Variants in FNDC3B observed in about 807,000 individuals in gnomAD.
FNDC3B encodes fibronectin type III domain-containing protein 3B.
FNDC3B carries 12 observed loss-of-function variants against 151.5 expected under a neutral mutation model. That is an observed-to-expected ratio of 0.08 (90% CI 0.05 to 0.13). The LOEUF is 0.13. Ranked by LOEUF, FNDC3B falls within the 10% of genes least tolerant of loss-of-function variation. The pLI is 1.00. For missense variants in FNDC3B, 1,214 were observed against 1,505.3 expected (o/e 0.81, Z 3.20); for synonymous variants, 528 against 549.0 (o/e 0.96, Z 0.54).
chr3:172,187,806 G>A lies in FNDC3B; in HGVS notation c.188-39065G>A, dbSNP rs1724270413. 2.0e-5 allele frequency among the ~76,000 whole-genome samples: 3 copies of A among 152,058 alleles called. No homozygotes were observed. In the South Asian group the frequency reaches 6.2e-4, roughly 32 times the overall value. ...CAGCTGATTTTTGTAATTTTGTAGAGAGCGGATTTCGCCATGTTGCCTAGT... is the reference window on the plus strand; with the variant it reads ...CAGCTGATTTTTGTAATTTTGTAGAAAGCGGATTTCGCCATGTTGCCTAGT... On this transcript the variant is annotated intron_variant, in intron 3 of 25. Transcript: ENST00000415807.
At chr3:172,351,921 C>G (rs1407853071) in intron 21 of FNDC3B, among the ~76,000 whole-genome samples, 1 of 152,120 alleles carries the variant, frequency 6.6e-6, no homozygotes, top group African/African-American at 2.4e-5. Flanking sequence ...AGTGGAGATA[C>G]TCAGTGGTTG....
intron 21 of FNDC3B, among the ~76,000 whole-genome samples, chr3:172,348,744 C>T (rs1007683122): frequency 2.6e-5 from 4 of 152,160 alleles, no homozygotes; most frequent in East Asian, 3.9e-4. Context: ...AATCTTGCCT[C>T]GTTGTATTAA....
At chr3:172,191,940 GT>G (rs1332755409) in intron 3 of FNDC3B, among the ~76,000 whole-genome samples, 1 of 152,170 alleles carries the variant, frequency 6.6e-6, no homozygotes, top group African/African-American at 2.4e-5. Flanking sequence ...GCAGTGTCTG[GT>G]GGTGTATGCC....
chr3:172,357,718 C>G (rs1019430219), intron 22 of FNDC3B, among the ~76,000 whole-genome samples: 16 of 152,202 alleles, frequency 1.1e-4, no homozygotes, highest in Middle Eastern at 3.4e-3. Flanking sequence ...CATTTCATTC[C>G]ATTTTATCAG....
At chr3:172,257,814 CT>C (rs1728435439) in intron 6 of FNDC3B, among the ~76,000 whole-genome samples, 1 of 152,174 alleles carries the variant, frequency 6.6e-6, no homozygotes. Flanking sequence ...TGAATACAGG[CT>C]GTGTAGGTGG....
At chr3:172,275,124 G>T (rs1729371479) in intron 6 of FNDC3B, among the ~76,000 whole-genome samples, 1 of 152,076 alleles carries the variant, frequency 6.6e-6, no homozygotes, top group Non-Finnish European at 1.5e-5. Context: ...GTTGTCTAGG[G>T]TTTATACACC....
At chr3:172,129,037 C>T (rs985251230) in intron 2 of FNDC3B, among the ~76,000 whole-genome samples, 14 of 152,280 alleles carry the variant, frequency 9.2e-5, no homozygotes, top group Admixed American at 5.2e-4. Flanking sequence ...GGCACCGTCA[C>T]GGTTTGCTAC....
intron 3 of FNDC3B, 185 bp downstream of exon 3, chr3:172,133,731 T>G (rs961864646): frequency 1.6e-6 from 1 of 637,718 alleles, no homozygotes; most frequent in South Asian, 1.6e-5. Flanking sequence ...AAGGACATTT[T>G]TAGTGGTAAA....
At chr3:172,367,793 C>T (rs1225699537) in intron 23 of FNDC3B, among the ~76,000 whole-genome samples, 1 of 152,144 alleles carries the variant, frequency 6.6e-6, no homozygotes, top group Non-Finnish European at 1.5e-5. Context: ...TATGGTTAAT[C>T]TGTTGTTGAG....
At chr3:172,199,328 C>A (rs905391012) in intron 3 of FNDC3B, among the ~76,000 whole-genome samples, 1 of 151,610 alleles carries the variant, frequency 6.6e-6, no homozygotes, top group Non-Finnish European at 1.5e-5. Flanking sequence ...TACAGGCGCC[C>A]GCCACCTCGC....
chr3:172,086,770 C>T (rs947313277), intron 1 of FNDC3B, among the ~76,000 whole-genome samples: 93 of 152,278 alleles, frequency 6.1e-4, no homozygotes, highest in African/African-American at 2.0e-3. Context: ...CAAAAACGTT[C>T]GGCCTTGGGG....
intron 3 of FNDC3B, among the ~76,000 whole-genome samples, chr3:172,139,275 C>G (rs2108582653): frequency 6.6e-6 from 1 of 152,182 alleles, no homozygotes; most frequent in South Asian, 2.1e-4. Context: ...TATGACAGGT[C>G]CTAGGGAATT....
At chr3:172,058,424 T>A (rs1467442724) in intron 1 of FNDC3B, among the ~76,000 whole-genome samples, 1 of 152,070 alleles carries the variant, frequency 6.6e-6, no homozygotes, top group African/African-American at 2.4e-5. Context: ...GCTACTGTTA[T>A]GTCCTTTAAG....
At chr3:172,042,262 GC>G (rs960892287) in intron 1 of FNDC3B, among the ~76,000 whole-genome samples, 8 of 152,212 alleles carry the variant, frequency 5.3e-5, no homozygotes, top group African/African-American at 1.9e-4. Context: ...ATATTGGAGA[GC>G]CAGTCTTCTG....
intron 4 of FNDC3B, among the ~76,000 whole-genome samples, chr3:172,228,046 C>G (rs1309400496): frequency 1.3e-5 from 2 of 151,844 alleles, no homozygotes; most frequent in Non-Finnish European, 2.9e-5. Context: ...TTTTTCCATC[C>G]TTTTTTTTAT....
intron 1 of FNDC3B, among the ~76,000 whole-genome samples, chr3:172,069,940 C>T (rs1717684990): frequency 6.6e-6 from 1 of 152,142 alleles, no homozygotes; most frequent in African/African-American, 2.4e-5. Flanking sequence ...AACACAGTGA[C>T]TATTATCCCA....
chr3:172,328,426 G>A (rs1239699631), intron 11 of FNDC3B, among the ~76,000 whole-genome samples: 1 of 152,210 alleles, frequency 6.6e-6, no homozygotes, highest in Non-Finnish European at 1.5e-5. Flanking sequence ...GGTATTGGAG[G>A]CCACTGCATG....
chr3:172,048,359 G>T, intron 1 of FNDC3B, among the ~76,000 whole-genome samples: 1 of 152,072 alleles, frequency 6.6e-6, no homozygotes, highest in East Asian at 1.9e-4. Flanking sequence ...AAAGTCTTTA[G>T]ATGCTGTTTC....
chr3:172,330,686 T>A lies in FNDC3B; in HGVS notation c.1525T>A (p.Tyr509Asn). ...EGCSPEEVIT[Y>N]TLEIQEDEND... ...CTGTTCACCCGAGGAAGTGATCACC[T>A]ACACCTTGGAAATTCAGGAGGATGA... Residue 509 changes from tyrosine (Y) to asparagine (N), a missense_variant, in exon 13 of 26, where the codon TAC becomes AAC. Tyr to Asn is a moderately radical substitution (Grantham distance 143). Around this residue, in one of 7 missense-constraint regions of FNDC3B, gnomAD observed 111 missense variants for 96.8 expected, o/e 1.15. Coordinates refer to ENST00000415807, the MANE Select transcript of FNDC3B (RefSeq NM_022763.4). 6.2e-7 allele frequency: 1 copy of A among 1,613,644 alleles called. No homozygotes were observed. The highest frequency in any genetic ancestry group is 8.5e-7 in the Non-Finnish European group (1 of 1,179,744).
Sources: gnomAD v4.1 joint callset for allele counts (sites outside exome capture counted in the v4.1 genomes callset) on GRCh38, gnomAD v4.1.1 for gene constraint, gnomAD v4.1.1 regional missense constraint, MANE v1.5 for transcripts, NCBI Gene and HGNC (gene_info 2026-07-23, HGNC 2026-07-21) for gene names.